The following NKAIN2 variants were observed in gnomAD, a reference collection of about 807,000 sequenced individuals.
The protein encoded by NKAIN2 is sodium/potassium-transporting ATPase subunit beta-1-interacting protein 2.
NKAIN2 carries 14 observed loss-of-function variants against 32.6 expected under a neutral mutation model. The observed-to-expected ratio is 0.43, with a 90% CI of 0.28 to 0.67. NKAIN2 has a LOEUF of 0.67. Ranked by LOEUF, NKAIN2 falls within the 30% of genes least tolerant of loss-of-function variation. The probability of loss-of-function intolerance (pLI) is 0.17; values close to 1 mark genes in which losing one functional copy is unlikely to be tolerated. For missense variants in NKAIN2, 198 were observed against 258.3 expected (o/e 0.77, Z 1.60); for synonymous variants, 80 against 87.2 (o/e 0.92, Z 0.46).
intron 1 of NKAIN2, among the ~76,000 whole-genome samples, chr6:123,926,187 A>C (rs1028490464): frequency 6.6e-6 from 1 of 152,208 alleles, no homozygotes; most frequent in Non-Finnish European, 1.5e-5. Context: ...GGAGGGGGTC[A>C]CAAACAGTGA....
At chr6:124,570,039 T>G (rs1363897328) in intron 3 of NKAIN2, among the ~76,000 whole-genome samples, 1 of 152,094 alleles carries the variant, frequency 6.6e-6, no homozygotes, top group East Asian at 1.9e-4. Flanking sequence ...GGAGCGAAGG[T>G]GACTCTTGTT....
chr6:124,161,398 G>A (rs1223634821), intron 1 of NKAIN2, among the ~76,000 whole-genome samples: 3 of 151,876 alleles, frequency 2.0e-5, no homozygotes, highest in Non-Finnish European at 1.5e-5. Context: ...CCAGCACTGG[G>A]GATTAAAATT....
chr6:123,983,743 ATATTTT>A (rs1779007142), intron 1 of NKAIN2, among the ~76,000 whole-genome samples: 1 of 80,298 alleles, frequency 1.2e-5, no homozygotes. Context: ...GTATATATAT[ATATTTT>A]TTTTTTCTAG....
intron 3 of NKAIN2, among the ~76,000 whole-genome samples, chr6:124,491,646 G>A (rs536080191): frequency 1.1e-3 from 171 of 151,928 alleles, no homozygotes; most frequent in Middle Eastern, 6.8e-3. Flanking sequence ...TGTGAATAAT[G>A]ATTTATGTCT....
At chr6:124,362,234 G>C (rs1322591) in intron 3 of NKAIN2, among the ~76,000 whole-genome samples, 126,717 of 151,974 alleles carry the variant, frequency 0.83, 52,931 homozygotes, top group African/African-American at 0.87. Flanking sequence ...TATTACTAAA[G>C]TAATTAGAAA....
intron 1 of NKAIN2, among the ~76,000 whole-genome samples, chr6:124,231,103 T>A (rs901804754): frequency 6.6e-6 from 1 of 152,254 alleles, no homozygotes; most frequent in African/African-American, 2.4e-5. Context: ...TGCATCAGCA[T>A]GACCTGGATG....
chr6:124,567,054 T>C (rs1780942570), intron 3 of NKAIN2, among the ~76,000 whole-genome samples: 1 of 152,212 alleles, frequency 6.6e-6, no homozygotes, highest in Non-Finnish European at 1.5e-5. Context: ...CCTCTGACCT[T>C]TTAACATTTT....
rs577975774 is a variant in NKAIN2, at chr6:124,126,110, G to C, written c.55-156895G>C. On this transcript the variant is annotated intron_variant, in intron 1 of 6. Coordinates refer to ENST00000368417, the MANE Select transcript of NKAIN2 (RefSeq NM_001040214.3). ...TTTTCTGTCCTTCATCCTAACTCAG[G>C]CACCCAGCCCATGATCATTTCCTGC... Among the ~76,000 whole-genome samples the C allele has an allele frequency of 2.0e-5, 3 of 152,020 alleles. No homozygotes were observed. The East Asian group carries it at 5.8e-4, about 30-fold the overall frequency.
chr6:124,583,901 T>G (rs1781613938), intron 3 of NKAIN2, among the ~76,000 whole-genome samples: 1 of 152,160 alleles, frequency 6.6e-6, no homozygotes, highest in Non-Finnish European at 1.5e-5. Context: ...GAAAGGACAG[T>G]GTCTTTGATA....
At chr6:124,400,868 T>C (rs1390053946) in intron 3 of NKAIN2, among the ~76,000 whole-genome samples, 1 of 152,208 alleles carries the variant, frequency 6.6e-6, no homozygotes, top group Non-Finnish European at 1.5e-5. Flanking sequence ...CTGATTTTTA[T>C]GGTCACACCT....
chr6:124,121,439 A>C (rs1785876024), intron 1 of NKAIN2, among the ~76,000 whole-genome samples: 1 of 152,072 alleles, frequency 6.6e-6, no homozygotes, highest in Admixed American at 6.6e-5. Flanking sequence ...ACATAACTAA[A>C]TATATGTATA....
intron 3 of NKAIN2, among the ~76,000 whole-genome samples, chr6:124,366,749 A>G (rs368929062): frequency 6.6e-6 from 1 of 151,936 alleles, no homozygotes; most frequent in South Asian, 2.1e-4. Context: ...CAACATGGTG[A>G]AACCCCATCG....
At chr6:123,820,338 A>G (rs9401699) in intron 1 of NKAIN2, among the ~76,000 whole-genome samples, 42,458 of 152,160 alleles carry the variant, frequency 0.28, 8,478 homozygotes, top group African/African-American at 0.54. Flanking sequence ...AGTAGAAAAT[A>G]CACTACTGGG....
chr6:124,405,621 C>T (rs775390185), intron 3 of NKAIN2, among the ~76,000 whole-genome samples: 1 of 150,356 alleles, frequency 6.7e-6, no homozygotes, highest in Non-Finnish European at 1.5e-5. Context: ...CTCAAGTTGT[C>T]CTCCCGACTC....
intron 1 of NKAIN2, among the ~76,000 whole-genome samples, chr6:124,232,332 G>C (rs1792503113): frequency 6.6e-6 from 1 of 152,106 alleles, no homozygotes; most frequent in African/African-American, 2.4e-5. Context: ...AAAAGGCCAA[G>C]TGAATGAAAC....
intron 3 of NKAIN2, among the ~76,000 whole-genome samples, chr6:124,528,967 C>A (rs1451945955): frequency 6.6e-6 from 1 of 152,132 alleles, no homozygotes; most frequent in Non-Finnish European, 1.5e-5. Context: ...GCTACAGCTT[C>A]TTTGAATTTT....
At chr6:124,371,591 G>A (rs1373149424) in intron 3 of NKAIN2, among the ~76,000 whole-genome samples, 2 of 151,402 alleles carry the variant, frequency 1.3e-5, no homozygotes, top group African/African-American at 4.9e-5. Flanking sequence ...CTACTCAGGA[G>A]GCTGAGGCAG....
At chr6:124,616,108 TA>T (rs1323977484) in intron 3 of NKAIN2, among the ~76,000 whole-genome samples, 2 of 152,148 alleles carry the variant, frequency 1.3e-5, no homozygotes, top group East Asian at 3.9e-4. Flanking sequence ...ATTCTTCCCT[TA>T]CTTCTCAACA....
At chr6:123,973,189 A>T (rs1582866056) in intron 1 of NKAIN2, among the ~76,000 whole-genome samples, 1 of 152,100 alleles carries the variant, frequency 6.6e-6, no homozygotes, top group Non-Finnish European at 1.5e-5. Flanking sequence ...GGAAACCAGG[A>T]AAGTCTAATG....
Sources: gnomAD v4.1 joint callset for allele counts (sites outside exome capture counted in the v4.1 genomes callset) on GRCh38, gnomAD v4.1.1 for gene constraint, MANE v1.5 for transcripts, NCBI Gene and HGNC (gene_info 2026-07-23, HGNC 2026-07-21) for gene names.